Variants in DDX59 observed in about 807,000 individuals in gnomAD.
DDX59 encodes the protein probable ATP-dependent RNA helicase DDX59.
DDX59 carries 30 observed loss-of-function variants against 51.9 expected under a neutral mutation model. That is an observed-to-expected ratio of 0.58 (90% CI 0.43 to 0.78). The LOEUF (loss-of-function observed/expected upper bound fraction) is 0.78, where lower values mean the gene tolerates loss of function less well. DDX59 is among the 30% of genes least tolerant of loss of function. The probability of loss-of-function intolerance (pLI) is 0.00; values close to 1 mark genes in which losing one functional copy is unlikely to be tolerated. For missense variants in DDX59, 672 were observed against 730.8 expected, an observed-to-expected ratio of 0.92 and a Z score of 0.93; for synonymous variants, 255 against 253.3, an observed-to-expected ratio of 1.01 and a Z score of -0.06.
chr1:200,641,343 C>T (rs1661042240), downstream of DDX59: 1 of 528,350 alleles, frequency 1.9e-6, no homozygotes, highest in Non-Finnish European at 3.0e-6. Context: ...CAGTGAGTCA[C>T]AGTTTAAATA....
intron 7 of DDX59, among the ~76,000 whole-genome samples, chr1:200,646,960 A>T (rs555714340): frequency 6.6e-6 from 1 of 152,368 alleles, no homozygotes; most frequent in Non-Finnish European, 1.5e-5. Flanking sequence ...GATGAACCTT[A>T]AAAACATTAT....
chr1:200,641,397 T>TAAA, downstream of DDX59: 1 of 214,868 alleles, frequency 4.7e-6, no homozygotes, highest in South Asian at 6.0e-5. Flanking sequence ...CCAAAAAAAC[T>TAAA]AAAAAAAAAA....
chr1:200,655,571 C>T (rs1374787689), intron 4 of DDX59, among the ~76,000 whole-genome samples: 2 of 152,168 alleles, frequency 1.3e-5, no homozygotes, highest in African/African-American at 4.8e-5. Flanking sequence ...TATTATTTCT[C>T]AGGAAGAATT....
intron 3 of DDX59, among the ~76,000 whole-genome samples, chr1:200,662,843 A>C (rs1255915827): frequency 1.3e-5 from 2 of 152,234 alleles, no homozygotes; most frequent in Non-Finnish European, 2.9e-5. Context: ...GATGCCCATC[A>C]AAAGTACTTG....
chr1:200,653,959 C>T (rs1412866254), intron 4 of DDX59, among the ~76,000 whole-genome samples: 3 of 152,210 alleles, frequency 2.0e-5, no homozygotes, highest in Non-Finnish European at 2.9e-5. Context: ...TTGTGTGTCT[C>T]ATCTTCCACT....
intron 3 of DDX59, among the ~76,000 whole-genome samples, chr1:200,660,301 A>T (rs1431364336): frequency 6.6e-6 from 1 of 152,162 alleles, no homozygotes; most frequent in Admixed American, 6.5e-5. Context: ...TTTATCTGAA[A>T]AGCTTTTTAT....
downstream of DDX59, among the ~76,000 whole-genome samples, chr1:200,643,289 AAAAAC>A (rs756954987): frequency 6.6e-6 from 1 of 152,102 alleles, no homozygotes; most frequent in Admixed American, 6.5e-5. Flanking sequence ...GCTATCTCAA[AAAAAC>A]AAAACAAAAC....
chr1:200,642,859 G>A (rs964283787), downstream of DDX59, among the ~76,000 whole-genome samples: 1 of 152,124 alleles, frequency 6.6e-6, no homozygotes, highest in Non-Finnish European at 1.5e-5. Context: ...GGCCCACAAT[G>A]ACCGACGCAA....
At chr1:200,648,210 T>A (rs1363422832) in intron 7 of DDX59, among the ~76,000 whole-genome samples, 4 of 151,876 alleles carry the variant, frequency 2.6e-5, no homozygotes. Context: ...GTATTTTTAG[T>A]AGAGATGGGT....
intron 3 of DDX59, among the ~76,000 whole-genome samples, chr1:200,662,806 A>G (rs1169234507): frequency 6.6e-6 from 1 of 152,240 alleles, no homozygotes; most frequent in Non-Finnish European, 1.5e-5. Flanking sequence ...GACTGCAGTT[A>G]AACTCCATTA....
downstream of DDX59, chr1:200,641,073 G>A: frequency 1.2e-6 from 1 of 861,498 alleles, no homozygotes; most frequent in East Asian, 6.3e-5. Context: ...AGTCCTATCT[G>A]TCCGGAGTCA....
chr1:200,648,638 TTTC>T (rs1213775907), intron 6 of DDX59, 71 bp from the exon 7 acceptor site: 3 of 1,492,484 alleles, frequency 2.0e-6, no homozygotes, highest in African/African-American at 1.4e-5. Context: ...TCTGATAGCT[TTTC>T]TTTTTATAAT....
At chr1:200,667,064 T>C (rs1216810118) in intron 1 of DDX59, among the ~76,000 whole-genome samples, 2 of 151,686 alleles carry the variant, frequency 1.3e-5, no homozygotes, top group African/African-American at 4.9e-5. Flanking sequence ...GCCGAGATCG[T>C]GCCACTGCCC....
intron 3 of DDX59, among the ~76,000 whole-genome samples, chr1:200,662,471 A>G (rs1662438337): frequency 6.6e-6 from 1 of 152,184 alleles, no homozygotes; most frequent in Admixed American, 6.5e-5. Flanking sequence ...CCTGGCCAAC[A>G]TGGTGAAATC....
chr1:200,653,417 T>C (rs763473471), intron 4 of DDX59, among the ~76,000 whole-genome samples: 1 of 152,208 alleles, frequency 6.6e-6, no homozygotes, highest in African/African-American at 2.4e-5. Context: ...TTAATCATCC[T>C]GTCAACCCAC....
chr1:200,657,149 C>G (rs563485740), intron 4 of DDX59, among the ~76,000 whole-genome samples: 4 of 148,024 alleles, frequency 2.7e-5, no homozygotes, highest in African/African-American at 1.0e-4. Flanking sequence ...ACTTGGGAGG[C>G]TGAGGCACAA....
intron 4 of DDX59, among the ~76,000 whole-genome samples, chr1:200,652,989 C>T (rs12562552): frequency 0.12 from 18,003 of 152,194 alleles, 1,565 homozygotes; most frequent in East Asian, 0.41. Context: ...CCAGACATCT[C>T]CTCTCCTGAT....
chr1:200,668,182 C>G (rs981997258), intron 1 of DDX59, among the ~76,000 whole-genome samples: 12 of 152,144 alleles, frequency 7.9e-5, no homozygotes, highest in African/African-American at 2.7e-4. Context: ...GCGGCAGGCG[C>G]CTGTAGTCCC....
intron 7 of DDX59, among the ~76,000 whole-genome samples, chr1:200,645,058 CATAAA>C (rs940881532): frequency 1.3e-5 from 2 of 152,034 alleles, no homozygotes; most frequent in African/African-American, 4.8e-5. Flanking sequence ...AGAGTGATCA[CATAAA>C]ATAAAAGTAA....
Sources: allele counts gnomAD v4.1 joint callset (sites outside exome capture counted in the v4.1 genomes callset), GRCh38; gene constraint gnomAD v4.1.1; transcripts MANE v1.5; gene names NCBI Gene and HGNC (gene_info 2026-07-23, HGNC 2026-07-21).